ZSCAN1: variants seen among roughly 807,000 people sequenced by gnomAD.
The protein encoded by ZSCAN1 is zinc finger and SCAN domain containing 1.
A neutral mutation model predicts 23.8 loss-of-function variants in ZSCAN1; 23 were observed. The observed-to-expected ratio is 0.97, with a 90% CI of 0.70 to 1.37. The LOEUF is 1.37. ZSCAN1 is among the 40% of genes most tolerant of loss of function. ZSCAN1 has a pLI of 0.00. For missense variants in ZSCAN1, 575 were observed against 554.0 expected (o/e 1.04, Z -0.38); for synonymous variants, 236 against 232.3 (o/e 1.02, Z -0.15).
intron 3 of ZSCAN1, among the ~76,000 whole-genome samples, chr19:58,039,920 G>T (rs1177544684): frequency 4.6e-5 from 7 of 151,914 alleles, no homozygotes; most frequent in East Asian, 3.8e-4. Flanking sequence ...AAATAAATAG[G>T]GGGGGGTCTT....
At position 58,037,762 on chromosome 19, in the gene ZSCAN1, C is replaced by T. The variant is rs192751954; in HGVS notation, c.-75C>T. 3,023 of 1,423,390 alleles carry T rather than the reference C, an allele frequency of 2.1e-3. 51 individuals carry two copies. In the African/African-American group the frequency reaches 0.039, roughly 18 times the overall value. The allele number at this position is 1,423,390 out of a possible 1,614,324, so 88.2% of individuals were successfully genotyped here. A position where few individuals can be genotyped will look rare whatever the true frequency, so the allele number is the denominator to read the frequency against. On this transcript the variant is annotated 5_prime_UTR_variant, in exon 3 of 6. Coordinates refer to ENST00000282326, the MANE Select transcript of ZSCAN1 (RefSeq NM_182572.4). ...TGCTGATTCTGTCCGCCTGCCACAC[C>T]GGCTCTGTCCGGAGCCACTGGGACT...
intron 4 of ZSCAN1, among the ~76,000 whole-genome samples, chr19:58,041,640 G>A (rs1317585285): frequency 6.6e-6 from 1 of 152,176 alleles, no homozygotes; most frequent in Non-Finnish European, 1.5e-5. Context: ...GAGGCCTCAC[G>A]GGAGGCTGAG....
At chr19:58,038,546 G>GCAA in intron 3 of ZSCAN1, 1 of 548,822 alleles carries the variant, frequency 1.8e-6, no homozygotes. Context: ...AGCGCCTCCT[G>GCAA]CAACACTCAG....
intron 2 of ZSCAN1, among the ~76,000 whole-genome samples, chr19:58,037,522 A>C (rs1186556267): frequency 6.6e-6 from 1 of 152,034 alleles, no homozygotes; most frequent in East Asian, 1.9e-4. Flanking sequence ...GGCAGGTGCA[A>C]AGGTCCTGGG....
chr19:58,035,751 C>T (rs2073730254), intron 1 of ZSCAN1, among the ~76,000 whole-genome samples: 1 of 152,138 alleles, frequency 6.6e-6, no homozygotes, highest in Non-Finnish European at 1.5e-5. Context: ...GGGCACAGTC[C>T]CCGTGAGTTG....
chr19:58,045,497 C>A lies in ZSCAN1; in HGVS notation c.465+4953C>A. On this transcript the variant is annotated intron_variant, in intron 4 of 5. Transcript: ENST00000282326. The surrounding 1 kb of genome is among the most constrained non-coding windows in gnomAD (Gnocchi z 4.3). Reference sequence around the variant, plus strand: ...GGGAGAGGCCCAGCAATGAGGAAATCATGGGTTTTTCCAAATTATTTGAGG... The same window carrying A: ...GGGAGAGGCCCAGCAATGAGGAAATAATGGGTTTTTCCAAATTATTTGAGG... 7.2e-7 allele frequency: 1 copy of A among 1,379,366 alleles called. No individual in the cohort carries two copies. The highest frequency in any genetic ancestry group is 1.0e-6 in the Non-Finnish European group (1 of 966,008). 85.4% of individuals were successfully genotyped at this position (1,379,366 alleles called of 1,614,324 possible).
At chr19:58,050,595 A>G (rs2073853023) in intron 4 of ZSCAN1, among the ~76,000 whole-genome samples, 1 of 151,424 alleles carries the variant, frequency 6.6e-6, no homozygotes, top group Non-Finnish European at 1.5e-5. Flanking sequence ...ATCTCAGCTC[A>G]CTGCAACCTC....
intron 4 of ZSCAN1, among the ~76,000 whole-genome samples, chr19:58,043,737 CCTT>C (rs1568603600): frequency 6.6e-6 from 1 of 152,086 alleles, no homozygotes; most frequent in African/African-American, 2.4e-5. Flanking sequence ...GCAACCTCAA[CCTT>C]CTGGGCTCAT....
chr19:58,048,417 C>T (rs1080416), intron 4 of ZSCAN1, among the ~76,000 whole-genome samples: 21,979 of 152,238 alleles, frequency 0.14, 2,150 homozygotes, highest in Middle Eastern at 0.23. Flanking sequence ...TGGCCAAGGC[C>T]GGAGGATAAG....
chr19:58,045,091 G>A lies in ZSCAN1; in HGVS notation c.465+4547G>A, dbSNP rs2073816408. ...CTGAGGCACTACTACCATGGCTTCCGCCTGCTACGGATCCACACCAAGATC... is the reference window on the plus strand; with the variant it reads ...CTGAGGCACTACTACCATGGCTTCCACCTGCTACGGATCCACACCAAGATC... On this transcript the variant is annotated intron_variant, in intron 4 of 5. Coordinates refer to ENST00000282326, the MANE Select transcript of ZSCAN1 (RefSeq NM_182572.4). This position sits in a 1 kb window ranked among gnomAD's most constrained non-coding sequence, Gnocchi z 4.3. 4.1e-6 allele frequency: 5 copies of A among 1,222,784 alleles called. No individual in the cohort carries two copies. The highest frequency in any genetic ancestry group is 2.3e-5 in the East Asian group (1 of 42,696). 75.7% of individuals were successfully genotyped at this position (1,222,784 alleles called of 1,614,324 possible).
chr19:58,048,328 T>G (rs902813544), intron 4 of ZSCAN1, among the ~76,000 whole-genome samples: 3 of 152,280 alleles, frequency 2.0e-5, no homozygotes, highest in Admixed American at 6.5e-5. Flanking sequence ...ATTAGTATAC[T>G]AACTGCCCTG....
chr19:58,044,659 C>A, intron 4 of ZSCAN1: 1 of 889,912 alleles, frequency 1.1e-6, no homozygotes. Flanking sequence ...CTCGGGTCAC[C>A]GCCCCGCGGG....
intron 4 of ZSCAN1, chr19:58,044,958 C>G (rs2073815192): frequency 5.5e-6 from 6 of 1,092,358 alleles, no homozygotes; most frequent in Non-Finnish European, 8.4e-6. Context: ...AGAAGTCCCT[C>G]AAGTCCTTGA....
chr19:58,052,384 G>A, intron 4 of ZSCAN1, 106 bp from the exon 5 acceptor site: 1 of 1,570,844 alleles, frequency 6.4e-7, no homozygotes, highest in Non-Finnish European at 8.7e-7. Context: ...CACTGCCCTG[G>A]GACAGAGCCT....
At position 58,049,441 on chromosome 19, in the gene ZSCAN1, CT is replaced by C. The variant is rs1357208995; in HGVS notation, c.466-3046del. The C allele has an allele frequency of 6.6e-6, 1 of 152,346 alleles. No homozygotes were observed. Among genetic ancestry groups the C allele is most frequent in the African/African-American group, 2.4e-5 (1 of 41,434 alleles). 9.4% of individuals were successfully genotyped at this position (152,346 alleles called of 1,614,324 possible). On this transcript the variant is annotated intron_variant, in intron 4 of 5. Transcript: ENST00000282326. This position sits in a 1 kb window ranked among gnomAD's most constrained non-coding sequence, Gnocchi z 4.5. Reference sequence around the variant, plus strand: ...TATTGGTTGTGGTACTCATTCAGGTCTTTGCTGGTGGAGAAGTTGTAGGCGG... The same window carrying C: ...TATTGGTTGTGGTACTCATTCAGGTCTTGCTGGTGGAGAAGTTGTAGGCGG...
In ZSCAN1 at chr19:58,045,286, A is replaced by G. The variant is rs922064565; in HGVS notation, c.465+4742A>G. The G allele has an allele frequency of 1.3e-5, 10 of 790,700 alleles. No individual in the cohort carries two copies. Among genetic ancestry groups the G allele is most frequent in the Non-Finnish European group, 1.9e-5 (8 of 428,380 alleles). The allele number at this position is 790,700 out of a possible 1,614,324, so 49.0% of individuals were successfully genotyped here. A position where few individuals can be genotyped will look rare whatever the true frequency, so the allele number is the denominator to read the frequency against. On this transcript the variant is annotated intron_variant, in intron 4 of 5. Transcript: ENST00000282326. This position sits in a 1 kb window ranked among gnomAD's most constrained non-coding sequence, Gnocchi z 4.3. The stretch of plus-strand genomic sequence containing the variant: ...CCTGTTGCTGTGAAACTCTTCCCCA[A>G]CATGTTGCCATCCACATCCGAGACT...
intron 4 of ZSCAN1, chr19:58,044,514 G>C: frequency 2.3e-6 from 1 of 438,380 alleles, no homozygotes. Context: ...CCGAGACGGC[G>C]AAGAGCCGCG....
At position 58,047,949 on chromosome 19, in the gene ZSCAN1, C is replaced by T. The variant is rs2073836728; in HGVS notation, c.466-4541C>T. ...CTCCTGCCCAGCCGGCTGTGTCACA[C>T]TCATATTTTTAAGGTCAGGTTGGTT... On this transcript the variant is annotated intron_variant, in intron 4 of 5. Coordinates refer to ENST00000282326, the MANE Select transcript of ZSCAN1 (RefSeq NM_182572.4). The surrounding 1 kb of genome is among the most constrained non-coding windows in gnomAD (Gnocchi z 4.9). Among the ~76,000 whole-genome samples the T allele has an allele frequency of 1.3e-5, 2 of 152,210 alleles. No individual in the cohort carries two copies. Among genetic ancestry groups the T allele is most frequent in the South Asian group, 4.1e-4 (2 of 4,836 alleles).
At chr19:58,035,890 T>A (rs1163137013) in intron 1 of ZSCAN1, 80 bp from the exon 2 acceptor site, 1 of 152,220 alleles carries the variant, frequency 6.6e-6, no homozygotes, top group African/African-American at 2.4e-5. Context: ...TCCTTTTCAC[T>A]TGTCATAAGC....
Sources: gnomAD v4.1 joint callset for allele counts (sites outside exome capture counted in the v4.1 genomes callset) on GRCh38, gnomAD v4.1.1 for gene constraint, Gnocchi (gnomAD v3.1) non-coding constraint, MANE v1.5 for transcripts, NCBI Gene and HGNC (gene_info 2026-07-23, HGNC 2026-07-21) for gene names.